The following MMP16 variants were observed in gnomAD, a reference collection of about 807,000 sequenced individuals.
MMP16 encodes matrix metallopeptidase 16.
A neutral mutation model predicts 67.8 loss-of-function variants in MMP16; 12 were observed. The observed-to-expected ratio is 0.18, with a 90% confidence interval of 0.11 to 0.29. The LOEUF (loss-of-function observed/expected upper bound fraction) is 0.29. Among genes scored for constraint, MMP16 ranks in the 10% least tolerant of loss-of-function variants. MMP16 has a pLI of 1.00. For missense variants in MMP16, 475 were observed against 765.7 expected (o/e 0.62, Z 4.48); for synonymous variants, 249 against 255.9 (o/e 0.97, Z 0.26).
At chr8:88,316,104 T>C (rs1586016665) in intron 1 of MMP16, among the ~76,000 whole-genome samples, 1 of 152,266 alleles carries the variant, frequency 6.6e-6, no homozygotes, top group African/African-American at 2.4e-5. Flanking sequence ...AGAAGAAAAG[T>C]TGAAAGCTAG....
intron 1 of MMP16, among the ~76,000 whole-genome samples, chr8:88,271,385 T>C (rs1338519684): frequency 6.6e-6 from 1 of 152,230 alleles, no homozygotes; most frequent in Non-Finnish European, 1.5e-5. Context: ...AAAAATGGTT[T>C]GTTGCAGAGT....
intron 3 of MMP16, among the ~76,000 whole-genome samples, chr8:88,179,720 C>T (rs540781375): frequency 5.3e-5 from 8 of 152,052 alleles, no homozygotes; most frequent in African/African-American, 1.2e-4. Context: ...ATCTGTAATA[C>T]CTGTGAAGTA....
chr8:88,258,326 T>C (rs956739511), intron 1 of MMP16, among the ~76,000 whole-genome samples: 7 of 152,168 alleles, frequency 4.6e-5, no homozygotes, highest in African/African-American at 7.2e-5. Context: ...AGCCTATACT[T>C]AAGATCAGTG....
chr8:88,175,119 G>A (rs1037944780), intron 3 of MMP16, among the ~76,000 whole-genome samples: 3 of 152,180 alleles, frequency 2.0e-5, no homozygotes, highest in East Asian at 1.9e-4. Context: ...ATGGCCAGAA[G>A]AGAAAAGTGT....
At chr8:88,233,972 T>C (rs1181325865) in intron 1 of MMP16, among the ~76,000 whole-genome samples, 6 of 152,198 alleles carry the variant, frequency 3.9e-5, no homozygotes, top group Admixed American at 1.3e-4. Flanking sequence ...AACTAACATA[T>C]ATTAGGTACA....
At chr8:88,231,061 T>C (rs974794992) in intron 1 of MMP16, among the ~76,000 whole-genome samples, 4 of 152,162 alleles carry the variant, frequency 2.6e-5, no homozygotes, top group African/African-American at 4.8e-5. Flanking sequence ...GGGCAATATA[T>C]ATGTCAGTGT....
Position 88,046,771 on chromosome 8 carries a change from T to C in MMP16, c.1387A>G (p.Ser463Gly). 1 of 1,602,132 alleles carries C rather than the reference T, an allele frequency of 6.2e-7. No individual in the cohort carries two copies. The highest frequency in any genetic ancestry group is 8.5e-7 in the Non-Finnish European group (1 of 1,173,862). Residue 463 changes from serine to glycine, a missense_variant, in exon 9 of 10, where the codon AGT becomes GGT. Physicochemically the swap from Ser to Gly is moderately conservative, Grantham distance 56 (BLOSUM62 0). Around this residue, in one of 5 missense-constraint regions of MMP16, gnomAD observed 195 missense variants for 300.9 expected, o/e 0.65. Coordinates refer to ENST00000286614, the MANE Select transcript of MMP16 (RefSeq NM_005941.5). ...FFKGDRYWRY[S>G]EEMKTMDPGY... ...GGGTCCATTGTTTTCATTTCTTCAC[T>C]ATATCTCCAATATCTACAAAGGATA...
chr8:88,271,640 T>G (rs1439709985), intron 1 of MMP16, among the ~76,000 whole-genome samples: 1 of 152,180 alleles, frequency 6.6e-6, no homozygotes, highest in Non-Finnish European at 1.5e-5. Context: ...ATTACATGTA[T>G]GTGCCAACAC....
Position 88,035,909 on chromosome 8 carries a change from T to G in MMP16, c.*5552A>C, listed in dbSNP as rs1808048151. 1 of 151,962 alleles carries G rather than the reference T, an allele frequency of 6.6e-6. No homozygotes were observed. Among genetic ancestry groups the G allele is most frequent in the Admixed American group, 6.6e-5 (1 of 15,228 alleles). The allele number at this position is 151,962 out of a possible 1,614,324, so 9.4% of individuals were successfully genotyped here. ...GTAATTGGATGTTATTAATCTTACCTGAAATATTTCAGAATTGTTTCAAAA... is the reference window on the plus strand; with the variant it reads ...GTAATTGGATGTTATTAATCTTACCGGAAATATTTCAGAATTGTTTCAAAA... On this transcript the variant is annotated 3_prime_UTR_variant, in exon 10 of 10. Coordinates refer to ENST00000286614, the MANE Select transcript of MMP16 (RefSeq NM_005941.5). This position sits in a 1 kb window ranked among gnomAD's most constrained non-coding sequence, Gnocchi z 4.7.
chr8:88,244,582 A>G (rs570160681), intron 1 of MMP16, among the ~76,000 whole-genome samples: 15 of 152,300 alleles, frequency 9.8e-5, no homozygotes, highest in African/African-American at 3.1e-4. Context: ...TATTTTACAT[A>G]TATTAACTGA....
At chr8:88,057,732 G>A (rs1205218454) in intron 7 of MMP16, among the ~76,000 whole-genome samples, 1 of 152,018 alleles carries the variant, frequency 6.6e-6, no homozygotes, top group Non-Finnish European at 1.5e-5. Flanking sequence ...GTAACCATGG[G>A]TAATCTCATT....
chr8:88,232,688 C>T (rs1809880582), intron 1 of MMP16, among the ~76,000 whole-genome samples: 1 of 152,118 alleles, frequency 6.6e-6, no homozygotes, highest in Non-Finnish European at 1.5e-5. Context: ...CACCTGGGAA[C>T]AGAGACAATG....
At chr8:88,152,071 G>GTTTGT (rs1456820939) in intron 4 of MMP16, among the ~76,000 whole-genome samples, 18 of 36,148 alleles carry the variant, frequency 5.0e-4, no homozygotes, top group Non-Finnish European at 5.1e-5. Flanking sequence ...TACCATCAGA[G>GTTTGT]AATACTACAA....
At position 88,275,773 on chromosome 8, in the gene MMP16, G is replaced by A. The variant is rs181158453; in HGVS notation, c.132+51302C>T. On this transcript the variant is annotated intron_variant, in intron 1 of 9. Transcript: ENST00000286614. ...GGCTAGCCTATTATTAATACTCATAGTAACAATCCCAGAGAACACTGCTTA... is the reference window on the plus strand; with the variant it reads ...GGCTAGCCTATTATTAATACTCATAATAACAATCCCAGAGAACACTGCTTA... Among the ~76,000 whole-genome samples the A allele has an allele frequency of 1.6e-3, 237 of 151,942 alleles. 1 individual carries two copies. Among genetic ancestry groups the A allele is most frequent in the African/African-American group, 5.5e-3 (229 of 41,490 alleles).
intron 8 of MMP16, among the ~76,000 whole-genome samples, chr8:88,050,082 G>A (rs1366816673): frequency 6.6e-6 from 1 of 152,168 alleles, no homozygotes; most frequent in African/African-American, 2.4e-5. Flanking sequence ...ACCACTTTGG[G>A]AGGCCAATGC....
intron 1 of MMP16, among the ~76,000 whole-genome samples, chr8:88,205,388 C>G (rs1178979827): frequency 2.6e-5 from 4 of 152,062 alleles, no homozygotes; most frequent in Non-Finnish European, 5.9e-5. Context: ...TGAAAAGATA[C>G]CTACAATAAC....
At chr8:88,091,653 A>T (rs1808939574) in intron 6 of MMP16, among the ~76,000 whole-genome samples, 1 of 151,886 alleles carries the variant, frequency 6.6e-6, no homozygotes, top group Admixed American at 6.6e-5. Context: ...TCTTATTAGT[A>T]GTCCAAAGGT....
At chr8:88,272,549 C>G (rs1810580293) in intron 1 of MMP16, among the ~76,000 whole-genome samples, 1 of 152,066 alleles carries the variant, frequency 6.6e-6, no homozygotes, top group Non-Finnish European at 1.5e-5. Context: ...ACTAAGAACG[C>G]ACTATAGTTA....
intron 4 of MMP16, among the ~76,000 whole-genome samples, chr8:88,136,959 TTGTG>T (rs1223999498): frequency 6.6e-6 from 1 of 151,888 alleles, no homozygotes; most frequent in Non-Finnish European, 1.5e-5. Context: ...ATACATATGT[TTGTG>T]TATGTGTTAT....
Sources: allele counts gnomAD v4.1 joint callset (sites outside exome capture counted in the v4.1 genomes callset), GRCh38; gene constraint gnomAD v4.1.1; regional missense constraint gnomAD v4.1.1; non-coding constraint Gnocchi (gnomAD v3.1); transcripts MANE v1.5; gene names NCBI Gene and HGNC (gene_info 2026-07-23, HGNC 2026-07-21).